PTPRD: variants seen among roughly 807,000 people sequenced by gnomAD.
PTPRD encodes protein tyrosine phosphatase receptor type D, also known as receptor-type tyrosine-protein phosphatase delta.
Under a neutral mutation model 214.5 loss-of-function variants are expected in PTPRD, and 34 were observed. That is an observed-to-expected ratio of 0.16 (90% confidence interval 0.12 to 0.21). The LOEUF is 0.21. PTPRD is among the 10% of genes least tolerant of loss of function. The pLI, the probability that PTPRD is intolerant of heterozygous loss-of-function variation, is 1.00. For missense variants in PTPRD, 2,545 were observed against 2,398.7 expected (o/e 1.06, Z -1.27); for synonymous variants, 1,128 against 845.7 (o/e 1.33, Z -5.79).
intron 5 of PTPRD, among the ~76,000 whole-genome samples, chr9:9,836,183 C>T (rs1452776465): frequency 6.6e-6 from 1 of 152,056 alleles, no homozygotes; most frequent in South Asian, 2.1e-4. Context: ...CAAGGCAGCT[C>T]GTGGAAGAAA....
chr9:8,684,950 C>T (rs184523080), intron 12 of PTPRD, among the ~76,000 whole-genome samples: 23 of 152,202 alleles, frequency 1.5e-4, no homozygotes, highest in Non-Finnish European at 2.6e-4. Flanking sequence ...GATCAGCTTT[C>T]CCCAGTCCGA....
intron 2 of PTPRD, among the ~76,000 whole-genome samples, chr9:10,567,161 A>G (rs2065886659): frequency 6.6e-6 from 1 of 152,082 alleles, no homozygotes; most frequent in South Asian, 2.1e-4. Context: ...GCCTTTAAGA[A>G]CAGAGATACA....
chr9:9,753,658 C>G (rs538854469), intron 6 of PTPRD, among the ~76,000 whole-genome samples: 78 of 152,048 alleles, frequency 5.1e-4, no homozygotes, highest in Non-Finnish European at 9.4e-4. Context: ...TTGGTGTGAT[C>G]CACATTGTGC....
chr9:9,898,660 C>T (rs2075656065), intron 5 of PTPRD, among the ~76,000 whole-genome samples: 1 of 151,992 alleles, frequency 6.6e-6, no homozygotes, highest in Non-Finnish European at 1.5e-5. Flanking sequence ...GTCACATATG[C>T]TTTATATGAA....
Position 9,068,757 on chromosome 9 carries a change from G to A in PTPRD, c.-142-50022C>T, listed in dbSNP as rs10977471. ...CTCCCTAGTAGCTGGGATTACAGGC[G>A]CGTGTCACCATACCTAGCTAATTTT... On this transcript the variant is annotated intron_variant, in intron 10 of 45. Coordinates refer to ENST00000381196, the MANE Select transcript of PTPRD (RefSeq NM_002839.4). Among the ~76,000 whole-genome samples, 781 of 152,034 alleles carry A rather than the reference G, an allele frequency of 5.1e-3. 9 individuals are homozygous for A. Among genetic ancestry groups the A allele is most frequent in the African/African-American group, 0.018 (731 of 41,456 alleles).
intron 2 of PTPRD, among the ~76,000 whole-genome samples, chr9:10,566,103 T>C (rs1274867201): frequency 6.6e-6 from 1 of 151,940 alleles, no homozygotes; most frequent in East Asian, 1.9e-4. Flanking sequence ...TTGTTGGGAG[T>C]CACGGTAATT....
intron 11 of PTPRD, among the ~76,000 whole-genome samples, chr9:8,877,519 T>C (rs935277058): frequency 6.6e-6 from 1 of 152,158 alleles, no homozygotes; most frequent in African/African-American, 2.4e-5. Context: ...ATTCTAATAT[T>C]TTAGTGAGCA....
At chr9:9,107,364 T>G (rs1208807854) in intron 10 of PTPRD, among the ~76,000 whole-genome samples, 1 of 152,212 alleles carries the variant, frequency 6.6e-6, no homozygotes. Context: ...ACAAGCTGCA[T>G]GCTTGATTGC....
chr9:9,045,750 C>A (rs1344801723), intron 10 of PTPRD, among the ~76,000 whole-genome samples: 2 of 152,120 alleles, frequency 1.3e-5, no homozygotes, highest in Non-Finnish European at 2.9e-5. Context: ...CCAGCAAGCA[C>A]CAGCTGTTGG....
At position 8,423,109 on chromosome 9, in the gene PTPRD, A is replaced by G. The variant is rs116121850; in HGVS notation, c.4086+13483T>C. Among the ~76,000 whole-genome samples the G allele has an allele frequency of 1.8e-3, 276 of 152,298 alleles. 1 individual carries two copies. Among genetic ancestry groups the G allele is most frequent in the African/African-American group, 6.4e-3 (267 of 41,572 alleles). Reference sequence around the variant, plus strand: ...GACATCAGAATCTGAACGTTATTACATTTACATTAAATCATGTTTCATAAT... The same window carrying G: ...GACATCAGAATCTGAACGTTATTACGTTTACATTAAATCATGTTTCATAAT... On this transcript the variant is annotated intron_variant, in intron 35 of 45. Transcript: ENST00000381196.
rs149163686 is a variant in PTPRD, at chr9:9,116,248, G to A, written c.-143+67056C>T. Among the ~76,000 whole-genome samples the A allele has an allele frequency of 5.6e-3, 859 of 152,148 alleles. 9 individuals are homozygous for A. The highest frequency in any genetic ancestry group is 0.02 in the African/African-American group (823 of 41,512). ...TTTAAAAAATAAGAAAATGTGGTGT[G>A]TATATAAATATATACTTACTATGGA... On this transcript the variant is annotated intron_variant, in intron 10 of 45. Coordinates refer to ENST00000381196, the MANE Select transcript of PTPRD (RefSeq NM_002839.4).
At chr9:8,914,744 C>T (rs887419622) in intron 11 of PTPRD, among the ~76,000 whole-genome samples, 3 of 152,010 alleles carry the variant, frequency 2.0e-5, no homozygotes, top group Non-Finnish European at 2.9e-5. Context: ...TATTGAAACT[C>T]AATAGTTTAG....
At chr9:10,224,104 T>C (rs1475059404) in intron 3 of PTPRD, among the ~76,000 whole-genome samples, 1 of 152,014 alleles carries the variant, frequency 6.6e-6, no homozygotes, top group Non-Finnish European at 1.5e-5. Flanking sequence ...TTCAGTTGCC[T>C]CTTGAGAATA....
intron 3 of PTPRD, among the ~76,000 whole-genome samples, chr9:10,194,749 TTAA>T: frequency 6.6e-6 from 1 of 152,104 alleles, no homozygotes; most frequent in East Asian, 1.9e-4. Context: ...TTTCTATATC[TTAA>T]TAATTTTTCT....
At chr9:9,460,868 C>T (rs2093594151) in intron 8 of PTPRD, among the ~76,000 whole-genome samples, 2 of 152,092 alleles carry the variant, frequency 1.3e-5, no homozygotes, top group African/African-American at 4.8e-5. Context: ...ATGATACCTG[C>T]ACTCTTACGT....
At position 8,486,075 on chromosome 9, in the gene PTPRD, T is replaced by G; in HGVS notation, c.2742A>C (p.Pro914=). 1 of 1,614,210 alleles carries G rather than the reference T, an allele frequency of 6.2e-7. No individual in the cohort carries two copies. Among genetic ancestry groups the G allele is most frequent in the East Asian group, 2.2e-5 (1 of 44,886 alleles). ...GEEMVKEISI[P]EEVPTGFPQN... Reference sequence around the variant, plus strand: ...GAGGGAATCCAGTTGGTACTTCTTCTGGAATGGAAATCTCCTTCACCATCT... The same window carrying G: ...GAGGGAATCCAGTTGGTACTTCTTCGGGAATGGAAATCTCCTTCACCATCT... Residue 914 remains proline (P), a synonymous_variant, in exon 28 of 46, where the codon CCA becomes CCC. Coordinates refer to ENST00000381196, the MANE Select transcript of PTPRD (RefSeq NM_002839.4).
chr9:10,578,335 C>T (rs1429190897), intron 2 of PTPRD, among the ~76,000 whole-genome samples: 1 of 152,102 alleles, frequency 6.6e-6, no homozygotes, highest in African/African-American at 2.4e-5. Context: ...CCTATATATA[C>T]AGAACCAGTA....
chr9:8,421,469 G>A (rs2094361096), intron 35 of PTPRD, among the ~76,000 whole-genome samples: 1 of 151,848 alleles, frequency 6.6e-6, no homozygotes, highest in East Asian at 1.9e-4. Context: ...TGATAAACGA[G>A]ACACCATGAA....
intron 14 of PTPRD, among the ~76,000 whole-genome samples, chr9:8,532,934 A>T (rs2076078603): frequency 6.6e-6 from 1 of 152,078 alleles, no homozygotes; most frequent in South Asian, 2.1e-4. Context: ...CATCTTCCAG[A>T]GTTAACTTCC....
Sources: gnomAD v4.1 joint callset for allele counts (sites outside exome capture counted in the v4.1 genomes callset) on GRCh38, gnomAD v4.1.1 for gene constraint, MANE v1.5 for transcripts, NCBI Gene and HGNC (gene_info 2026-07-23, HGNC 2026-07-21) for gene names.